The following ANPEP variants were observed in gnomAD, a reference collection of about 807,000 sequenced individuals.
ANPEP encodes the protein aminopeptidase N.
A neutral mutation model predicts 114.6 loss-of-function variants in ANPEP; 70 were observed. That is an observed-to-expected ratio of 0.61 (90% CI 0.50 to 0.75). The LOEUF is 0.75. Among genes scored for constraint, ANPEP ranks in the 30% least tolerant of loss-of-function variants. The probability of loss-of-function intolerance (pLI) is 0.00; values close to 1 mark genes in which losing one functional copy is unlikely to be tolerated. For missense variants in ANPEP, 1,184 were observed against 1,259.5 expected, an observed-to-expected ratio of 0.94 and a Z score of 0.91; for synonymous variants, 548 against 522.3, an observed-to-expected ratio of 1.05 and a Z score of -0.67.
At chr15:89,800,556 CT>C (rs759889538) in intron 12 of ANPEP, among the ~76,000 whole-genome samples, 9,093 of 124,328 alleles carry the variant, frequency 0.073, 175 homozygotes, top group African/African-American at 0.1. Flanking sequence ...GGATTCTCTC[CT>C]TTTTTTTTTT....
intron 11 of ANPEP, 101 bp downstream of exon 11, chr15:89,801,334 G>A: frequency 1.9e-6 from 3 of 1,548,864 alleles, no homozygotes; most frequent in Middle Eastern, 3.6e-4. Context: ...GTCTACAGTG[G>A]CTGGGGCTGG....
intron 18 of ANPEP, among the ~76,000 whole-genome samples, 185 bp downstream of exon 18, chr15:89,791,975 A>G (rs1012536642): frequency 3.3e-5 from 5 of 152,338 alleles, no homozygotes; most frequent in South Asian, 4.1e-4. Context: ...CCCAGACCTG[A>G]GTCCATATCT....
chr15:89,793,285 A>G, intron 15 of ANPEP, 159 bp from the exon 16 acceptor site: 2 of 589,634 alleles, frequency 3.4e-6, no homozygotes, highest in Non-Finnish European at 3.0e-6. Context: ...ATAGAAGTCT[A>G]GAGTTCAAAT....
intron 20 of ANPEP, among the ~76,000 whole-genome samples, chr15:89,789,447 G>A (rs892086862): frequency 1.3e-5 from 2 of 151,980 alleles, no homozygotes; most frequent in African/African-American, 4.8e-5. Flanking sequence ...CATTTTCCTG[G>A]GTTTGCTAAG....
Position 89,799,215 on chromosome 15 carries a change from G to C in ANPEP, c.2009+45C>G. On this transcript the variant is annotated intron_variant, in intron 14 of 20. Coordinates refer to ENST00000300060, the MANE Select transcript of ANPEP (RefSeq NM_001150.3). The surrounding 1 kb of genome is among the most constrained non-coding windows in gnomAD (Gnocchi z 4.2). ...CCCTCATTGTGGACTCAGACTTGCT[G>C]AAGTCACGAGCTTCTGCAGCTGAGC... 1 of 1,611,192 alleles carries C rather than the reference G, an allele frequency of 6.2e-7. No individual in the cohort carries two copies. The highest frequency in any genetic ancestry group is 8.5e-7 in the Non-Finnish European group (1 of 1,177,446).
At chr15:89,813,303 T>C (rs1477871370) in intron 1 of ANPEP, among the ~76,000 whole-genome samples, 1 of 152,168 alleles carries the variant, frequency 6.6e-6, no homozygotes, top group Non-Finnish European at 1.5e-5. Flanking sequence ...TCAGAATGCC[T>C]AGCATACAAT....
chr15:89,806,404 G>A lies in ANPEP; in HGVS notation c.180C>T (p.Ala60=), dbSNP rs751014493. The A allele has an allele frequency of 5.0e-6, 8 of 1,614,122 alleles. No homozygotes were observed. In the South Asian group the frequency reaches 6.6e-5, roughly 13 times the overall value. The change falls in exon 2 of 21, where the codon GCC becomes GCT. Residue 60 remains alanine (A), a synonymous_variant. Coordinates refer to ENST00000300060, the MANE Select transcript of ANPEP (RefSeq NM_001150.3). This position sits in a 1 kb window ranked among gnomAD's most constrained non-coding sequence, Gnocchi z 5.7. The part of the protein sequence containing the change: ...TPSASATTNP[A]SATTLDQSKA... ...TACTTTGGTCCAAGGTGGTGGCCGA[G>A]GCGGGGTTGGTGGTGGCTGAGGCGG...
chr15:89,790,215 A>T (rs1048034651), intron 20 of ANPEP, among the ~76,000 whole-genome samples: 1 of 152,240 alleles, frequency 6.6e-6, no homozygotes, highest in African/African-American at 2.4e-5. Context: ...AACCTGGGTA[A>T]CGGGTACATG....
At chr15:89,813,510 T>C (rs1034707703) in intron 1 of ANPEP, among the ~76,000 whole-genome samples, 2 of 152,232 alleles carry the variant, frequency 1.3e-5, no homozygotes, top group African/African-American at 2.4e-5. Context: ...CTTGCACTCA[T>C]AGTGTGGCCT....
At chr15:89,792,779 T>C (rs1392572420) in intron 16 of ANPEP, among the ~76,000 whole-genome samples, 1 of 152,142 alleles carries the variant, frequency 6.6e-6, no homozygotes, top group Non-Finnish European at 1.5e-5. Flanking sequence ...CCAGCCCCAG[T>C]TTCAACACCT....
intron 15 of ANPEP, among the ~76,000 whole-genome samples, chr15:89,795,437 A>G (rs1596163535): frequency 6.6e-6 from 1 of 152,174 alleles, no homozygotes; most frequent in African/African-American, 2.4e-5. Flanking sequence ...CCAATACTAG[A>G]TGATGTGAAT....
At position 89,801,451 on chromosome 15, in the gene ANPEP, G is replaced by A. The variant is rs746685166; in HGVS notation, c.1726C>T (p.Arg576Cys). The A allele has an allele frequency of 5.6e-6, 9 of 1,614,044 alleles. No individual in the cohort carries two copies. The Admixed American group carries it at 6.7e-5, about 12-fold the overall frequency. The change falls in exon 11 of 21, where the codon CGC becomes TGC. Residue 576 changes from arginine to cysteine, a missense_variant. Coordinates refer to ENST00000300060, the MANE Select transcript of ANPEP (RefSeq NM_001150.3). ...FLLDPDSNVT[R>C]PSEFNYVWIV... ...TCTGCTCACTTGAATTCTGAGGGGC[G>A]GGTAACATTGGAATCGGGGTCAAGG...
intron 1 of ANPEP, among the ~76,000 whole-genome samples, chr15:89,809,809 C>A (rs1484743262): frequency 1.3e-5 from 2 of 152,228 alleles, no homozygotes; most frequent in African/African-American, 4.8e-5. Context: ...GGCCTTAATA[C>A]CTTCTGTGAA....
At position 89,804,378 on chromosome 15, in the gene ANPEP, C is replaced by A; in HGVS notation, c.1054G>T (p.Gly352Cys). 1 of 1,614,224 alleles carries A rather than the reference C, an allele frequency of 6.2e-7. No homozygotes were observed. The change falls in exon 6 of 21, where the codon GGC becomes TGC. Residue 352 changes from glycine (G) to cysteine (C), a missense_variant. Physicochemically the swap from Gly to Cys is radical, Grantham distance 159. Transcript: ENST00000300060. Reference sequence around the variant, plus strand: ...ACCAGTCCCCAGTTCTCCATGGCGCCGGCGTTGAAGTCTGGCAGGCCAATC... The same window carrying A: ...ACCAGTCCCCAGTTCTCCATGGCGCAGGCGTTGAAGTCTGGCAGGCCAATC... The part of the protein sequence containing the change: ...DQIGLPDFNA[G>C]AMENWGLVTY...
rs1567160084 is a variant in ANPEP at position 89,803,320 on chromosome 15, GCA to G, written c.1504-18_1504-17del. The G allele has an allele frequency of 6.2e-7, 1 of 1,613,980 alleles. No individual in the cohort carries two copies. Among genetic ancestry groups the G allele is most frequent in the Non-Finnish European group, 8.5e-7 (1 of 1,179,830 alleles). ...GGAGGTAGGACTGTGGAAAGACGGGGCACAGTGAGAGCACAGCTGGAGCCCCC... is the reference window on the plus strand; with the variant it reads ...GGAGGTAGGACTGTGGAAAGACGGGGCAGTGAGAGCACAGCTGGAGCCCCC... On this transcript the variant is annotated splice_polypyrimidine_tract_variant and intron_variant, in intron 9 of 20. Transcript: ENST00000300060. This position sits in a 1 kb window ranked among gnomAD's most constrained non-coding sequence, Gnocchi z 4.2.
chr15:89,793,847 T>C (rs980065162), intron 15 of ANPEP, among the ~76,000 whole-genome samples: 1 of 152,214 alleles, frequency 6.6e-6, no homozygotes, highest in Non-Finnish European at 1.5e-5. Flanking sequence ...CTTTTTTCTA[T>C]AGTTTTTTCT....
chr15:89,786,895 G>T (rs1308890401), intron 20 of ANPEP, among the ~76,000 whole-genome samples: 4 of 152,046 alleles, frequency 2.6e-5, no homozygotes, highest in African/African-American at 9.7e-5. Context: ...AGTGGGAGAA[G>T]AACAGTCTTT....
At chr15:89,794,903 C>G (rs1440488230) in intron 15 of ANPEP, among the ~76,000 whole-genome samples, 1 of 152,076 alleles carries the variant, frequency 6.6e-6, no homozygotes, top group Non-Finnish European at 1.5e-5. Context: ...TTTGAGGGTC[C>G]CCAGTGAAGA....
chr15:89,799,603 T>A lies in ANPEP; in HGVS notation c.1820-44A>T, dbSNP rs766785497. On this transcript the variant is annotated intron_variant, in intron 12 of 20. Coordinates refer to ENST00000300060, the MANE Select transcript of ANPEP (RefSeq NM_001150.3). The surrounding 1 kb of genome is among the most constrained non-coding windows in gnomAD (Gnocchi z 4.2). ...CCTGGGCAGGGCTGCTCAGAGGCCA[T>A]GGGCTGACCCCTGGACCTCTTGCAA... 1.2e-5 allele frequency: 20 copies of A among 1,613,314 alleles called. No individual in the cohort carries two copies. Among genetic ancestry groups the A allele is most frequent in the Non-Finnish European group, 1.7e-5 (20 of 1,179,610 alleles).
Sources: gnomAD v4.1 joint callset for allele counts (sites outside exome capture counted in the v4.1 genomes callset) on GRCh38, gnomAD v4.1.1 for gene constraint, Gnocchi (gnomAD v3.1) non-coding constraint, MANE v1.5 for transcripts, NCBI Gene and HGNC (gene_info 2026-07-23, HGNC 2026-07-21) for gene names.